Variants in ZDBF2 observed in about 807,000 individuals in gnomAD.
ZDBF2 encodes the protein DBF4-type zinc finger-containing protein 2.
ZDBF2 carries 6 observed loss-of-function variants against 9.4 expected under a neutral mutation model. The ratio of observed to expected loss-of-function variants is 0.64; its 90% confidence interval spans 0.35 to 1.27. The LOEUF (loss-of-function observed/expected upper bound fraction) is 1.27. Among genes scored for constraint, ZDBF2 ranks in the 50% most tolerant of loss-of-function variants. ZDBF2 has a pLI of 0.03. For synonymous variants in ZDBF2, 905 were observed against 946.3 expected (o/e 0.96, Z 0.80); for missense variants, 2,697 against 2,766.8 (o/e 0.97, Z 0.57).
At chr2:206,277,556 CT>C (rs966787056) in intron 1 of ZDBF2, among the ~76,000 whole-genome samples, 1 of 151,742 alleles carries the variant, frequency 6.6e-6, no homozygotes, top group African/African-American at 2.4e-5. Flanking sequence ...TTGCAAAGTA[CT>C]TAACTGGGTA....
At position 206,274,904 on chromosome 2, in the gene ZDBF2, T is replaced by C. The variant is rs1690892599; in HGVS notation, c.-145T>C. On this transcript the variant is annotated 5_prime_UTR_variant, in exon 1 of 5. Transcript: ENST00000374423. ...GGAGAGCGCCCGGCTCGGTCCTCGG[T>C]CTCCACCGCGGCCCGGAAGGAATCC... is the stretch of plus-strand genomic sequence containing the variant. The C allele has an allele frequency of 6.6e-6, 1 of 151,398 alleles. No homozygotes were observed. 9.4% of individuals were successfully genotyped at this position (151,398 alleles called of 1,614,324 possible). A position where few individuals can be genotyped will look rare whatever the true frequency, so the allele number is the denominator to read the frequency against.
Position 206,311,464 on chromosome 2 carries a change from C to T in ZDBF2, c.6936C>T (p.Tyr2312=). ...ARRRKKTDES[Y]HGRQKGPSTP... ...GGAGGAAGAAGACTGATGAAAGCTA[C>T]CATGGCCGACAGAAAGGTCCTTCTA... The change falls in exon 5 of 5, where the codon TAC becomes TAT. Residue 2312 remains tyrosine (Y), a synonymous_variant. Transcript: ENST00000374423. 1 of 1,612,386 alleles carries T rather than the reference C, an allele frequency of 6.2e-7. No homozygotes were observed. The highest frequency in any genetic ancestry group is 8.5e-7 in the Non-Finnish European group (1 of 1,179,374).
chr2:206,291,549 G>A (rs970210944), intron 3 of ZDBF2, among the ~76,000 whole-genome samples: 13 of 152,090 alleles, frequency 8.5e-5, no homozygotes, highest in African/African-American at 2.9e-4. Context: ...TGAAGATGTC[G>A]CTACTGTTAG....
intron 3 of ZDBF2, among the ~76,000 whole-genome samples, chr2:206,294,720 C>T (rs573364958): frequency 1.3e-4 from 20 of 152,248 alleles, no homozygotes; most frequent in African/African-American, 4.8e-4. Context: ...ATGTTTAGCT[C>T]CCACTTAAAA....
intron 4 of ZDBF2, among the ~76,000 whole-genome samples, chr2:206,298,105 G>A (rs1215187982): frequency 2.0e-5 from 3 of 152,212 alleles, no homozygotes; most frequent in South Asian, 2.1e-4. Flanking sequence ...AAAAGAGGTA[G>A]CCAAAAGAAT....
In ZDBF2 at chr2:206,305,843, C is replaced by A. The variant is rs867239703; in HGVS notation, c.1315C>A (p.Gln439Lys). 1 of 1,613,068 alleles carries A rather than the reference C, an allele frequency of 6.2e-7. No homozygotes were observed. The change falls in exon 5 of 5, where the codon CAG (glutamine) becomes AAG (lysine). Residue 439 changes from glutamine to lysine, a missense_variant. Transcript: ENST00000374423. ...TTCCAAGGAAGTACGTACTGATGTACAGTATAAGAATAATAAATCTTATGT... is the reference window on the plus strand; with the variant it reads ...TTCCAAGGAAGTACGTACTGATGTAAAGTATAAGAATAATAAATCTTATGT... ...NLSKEVRTDV[Q>K]YKNNKSYVSK...
chr2:206,286,254 G>A (rs1691593493), intron 3 of ZDBF2, among the ~76,000 whole-genome samples: 1 of 152,082 alleles, frequency 6.6e-6, no homozygotes, highest in African/African-American at 2.4e-5. Flanking sequence ...GTGTTTCTTT[G>A]CTGATTTTCT....
rs371126075 is a variant in ZDBF2, at chr2:206,306,565, G to C, written c.2037G>C (p.Gln679His). ...AGGCTGATGCTCAATTAGCTGACCA[G>C]TCTCAAGTAGCCGAAATAGAGCGTC... ...GFQADAQLAD[Q>H]SQVAEIERQK... Residue 679 changes from glutamine (Q) to histidine (H), a missense_variant, in exon 5 of 5, where the codon CAG becomes CAC. By Grantham distance (24) the Gln-to-His change is conservative (BLOSUM62 0). This residue lies in a region of ZDBF2 where 910 missense variants were observed against 973.6 expected (regional missense o/e 0.93). Coordinates refer to ENST00000374423, the MANE Select transcript of ZDBF2 (RefSeq NM_020923.3). The C allele has an allele frequency of 4.0e-5, 64 of 1,613,500 alleles. No individual in the cohort carries two copies. The highest frequency in any genetic ancestry group is 5.0e-5 in the Non-Finnish European group (59 of 1,179,740).
At chr2:206,280,521 T>G (rs1339631107) in intron 2 of ZDBF2, among the ~76,000 whole-genome samples, 1 of 152,208 alleles carries the variant, frequency 6.6e-6, no homozygotes, top group Non-Finnish European at 1.5e-5. Context: ...CAATTTAAAA[T>G]AAAAGTTTGT....
chr2:206,281,543 A>G (rs1260542540), intron 2 of ZDBF2, among the ~76,000 whole-genome samples: 1 of 152,210 alleles, frequency 6.6e-6, no homozygotes, highest in Non-Finnish European at 1.5e-5. Flanking sequence ...ATCAATATCT[A>G]ATATCTCTAA....
intron 3 of ZDBF2, among the ~76,000 whole-genome samples, chr2:206,288,584 G>A (rs1365022884): frequency 3.3e-5 from 5 of 152,180 alleles, no homozygotes; most frequent in Admixed American, 3.3e-4. Context: ...TGGGACCAGG[G>A]TCCTAGGCTC....
chr2:206,280,021 T>TC (rs776559581), intron 2 of ZDBF2, among the ~76,000 whole-genome samples: 7 of 152,326 alleles, frequency 4.6e-5, no homozygotes, highest in East Asian at 3.9e-4. Flanking sequence ...GCCAGGCTGT[T>TC]CTCAAACTCC....
intron 1 of ZDBF2, among the ~76,000 whole-genome samples, chr2:206,279,183 C>T (rs941844039): frequency 9.9e-5 from 15 of 152,262 alleles, no homozygotes; most frequent in South Asian, 2.1e-4. Context: ...ACCTGAGCCT[C>T]GGGAAGTTTC....
Position 206,311,502 on chromosome 2 carries a change from C to G in ZDBF2, c.6974C>G (p.Ala2325Gly). ...AAAGGTCCTTCTACACCTGTGAGAG[C>G]ATATGATCTGAGAAGCTCATCTTGT... ...RQKGPSTPVR[A>G]YDLRSSSCLQ... The change falls in exon 5 of 5, where the codon GCA (alanine) becomes GGA (glycine). Residue 2325 changes from alanine (A) to glycine (G), a missense_variant. By Grantham distance (60) the Ala-to-Gly change is moderately conservative. Around this residue, in one of 3 missense-constraint regions of ZDBF2, gnomAD observed 1,783 missense variants for 1,776.5 expected, o/e 1.00. Transcript: ENST00000374423. The G allele has an allele frequency of 6.3e-7, 1 of 1,596,596 alleles. No individual in the cohort carries two copies. The highest frequency in any genetic ancestry group is 8.5e-7 in the Non-Finnish European group (1 of 1,174,352).
In ZDBF2 at chr2:206,310,426, C is replaced by T. The variant is rs773765414; in HGVS notation, c.5898C>T (p.Asp1966=). The T allele has an allele frequency of 4.3e-6, 7 of 1,613,758 alleles. No individual in the cohort carries two copies. Among genetic ancestry groups the T allele is most frequent in the African/African-American group, 1.3e-5 (1 of 74,888 alleles). Residue 1966 remains aspartate, a synonymous_variant, in exon 5 of 5, where the codon GAC becomes GAT. Transcript: ENST00000374423. ...MKRKIIRQEE[D]PPKSKCSRLQ... Reference sequence around the variant, plus strand: ...GAAAAATAATTAGACAAGAGGAAGACCCACCAAAAAGTAAGTGTTCACGTT... The same window carrying T: ...GAAAAATAATTAGACAAGAGGAAGATCCACCAAAAAGTAAGTGTTCACGTT...
chr2:206,302,447 ATC>A (rs1288408864), intron 4 of ZDBF2, among the ~76,000 whole-genome samples: 1 of 152,212 alleles, frequency 6.6e-6, no homozygotes, highest in African/African-American at 2.4e-5. Context: ...ACAGATGCAG[ATC>A]AAAGCATCCA....
chr2:206,297,305 C>T lies in ZDBF2; in HGVS notation c.120C>T (p.Thr40=), dbSNP rs759202190. Residue 40 remains threonine, a synonymous_variant, in exon 4 of 5, where the codon ACC becomes ACT. Coordinates refer to ENST00000374423, the MANE Select transcript of ZDBF2 (RefSeq NM_020923.3). The stretch of plus-strand genomic sequence containing the variant: ...GACAGAGTAGACGTCAAATATGTAC[C>T]AGTAGTTTGATGGAACGTTTCTTAC... The part of the protein sequence containing the change: ...LTRQSRRQIC[T]SSLMERFLQD... 2 of 1,610,448 alleles carry T rather than the reference C, an allele frequency of 1.2e-6. No individual in the cohort carries two copies. Among genetic ancestry groups the T allele is most frequent in the African/African-American group, 2.7e-5 (2 of 74,796 alleles).
rs1392243000 is a variant in ZDBF2, at chr2:206,304,653, C to T, written c.189-64C>T. ...AGAAAGCAAATAACATTTATTATGC[C>T]TCTATTTTAATATTTTAAACAGACA... On this transcript the variant is annotated intron_variant, in intron 4 of 4. Transcript: ENST00000374423. 3.3e-6 allele frequency: 5 copies of T among 1,514,330 alleles called. No homozygotes were observed. The Admixed American group carries it at 6.6e-5, about 20-fold the overall frequency. 93.8% of individuals were successfully genotyped at this position (1,514,330 alleles called of 1,614,324 possible).
At chr2:206,287,539 C>T (rs1691665983) in intron 3 of ZDBF2, among the ~76,000 whole-genome samples, 1 of 152,186 alleles carries the variant, frequency 6.6e-6, no homozygotes. Flanking sequence ...TAATGTGCCT[C>T]AAGGAGGACC....
Sources: gnomAD v4.1 joint callset for allele counts (sites outside exome capture counted in the v4.1 genomes callset) on GRCh38, gnomAD v4.1.1 for gene constraint, gnomAD v4.1.1 regional missense constraint, MANE v1.5 for transcripts, NCBI Gene and HGNC (gene_info 2026-07-23, HGNC 2026-07-21) for gene names.